Variants in ADORA2B observed in about 807,000 individuals in gnomAD.
ADORA2B encodes the protein adenosine receptor A2b.
Under a neutral mutation model 20.8 loss-of-function variants are expected in ADORA2B, and 18 were observed. The ratio of observed to expected loss-of-function variants is 0.87; its 90% CI spans 0.60 to 1.29. The LOEUF (loss-of-function observed/expected upper bound fraction) is 1.29, where lower values mean the gene tolerates loss of function less well. Among genes scored for constraint, ADORA2B ranks in the 50% most tolerant of loss-of-function variants. The probability of loss-of-function intolerance (pLI) is 0.00; values close to 1 mark genes in which losing one functional copy is unlikely to be tolerated. For missense variants in ADORA2B, 441 were observed against 422.7 expected (o/e 1.04, Z -0.38); for synonymous variants, 179 against 178.3 (o/e 1.00, Z -0.03).
intron 1 of ADORA2B, among the ~76,000 whole-genome samples, chr17:15,968,138 A>T (rs1970144329): frequency 6.6e-6 from 1 of 152,222 alleles, no homozygotes; most frequent in African/African-American, 2.4e-5. Flanking sequence ...GGGGAGAAGT[A>T]ACAAGGGCTA....
the ADORA2B span, among the ~76,000 whole-genome samples, chr17:15,861,964 T>TG: frequency 3.3e-5 from 5 of 152,150 alleles, no homozygotes; most frequent in Non-Finnish European, 7.4e-5. Flanking sequence ...CCTGCCAGAA[T>TG]GGCCCAGCCT....
At chr17:15,938,239 G>A in the ADORA2B span, among the ~76,000 whole-genome samples, 2 of 152,146 alleles carry the variant, frequency 1.3e-5, no homozygotes, top group African/African-American at 4.8e-5. Context: ...GGAAAGGAAG[G>A]AAGGAAGGAA....
At chr17:15,935,200 G>A in the ADORA2B span, among the ~76,000 whole-genome samples, 1 of 152,084 alleles carries the variant, frequency 6.6e-6, no homozygotes, top group South Asian at 2.1e-4. Context: ...TTATTGTCTA[G>A]TGTGCTTTCA....
At chr17:15,972,045 G>T (rs1970194198) in intron 1 of ADORA2B, among the ~76,000 whole-genome samples, 1 of 152,146 alleles carries the variant, frequency 6.6e-6, no homozygotes, top group South Asian at 2.1e-4. Context: ...TCCAGTTGAG[G>T]GATACCACAG....
chr17:15,942,049 C>G (rs1473614804), upstream of ADORA2B, among the ~76,000 whole-genome samples: 1 of 152,012 alleles, frequency 6.6e-6, no homozygotes, highest in Non-Finnish European at 1.5e-5. Context: ...ACACCGGGGA[C>G]CTGAAACTCA....
At chr17:15,885,173 G>A in the ADORA2B span, among the ~76,000 whole-genome samples, 2 of 152,160 alleles carry the variant, frequency 1.3e-5, no homozygotes, top group South Asian at 2.1e-4. Context: ...AATAAGTGAT[G>A]TTGAGCTTTT....
the ADORA2B span, among the ~76,000 whole-genome samples, chr17:15,903,481 A>T: frequency 2.5e-3 from 381 of 152,300 alleles, 23 homozygotes; most frequent in South Asian, 0.077. Flanking sequence ...AGCACTATGT[A>T]GGGGGAAGAA....
chr17:15,867,722 G>T, the ADORA2B span, among the ~76,000 whole-genome samples: 1 of 145,050 alleles, frequency 6.9e-6, no homozygotes, highest in East Asian at 2.1e-4. Flanking sequence ...GGTGAGGGGC[G>T]CCTCTGCCCG....
chr17:15,924,583 A>C, the ADORA2B span, among the ~76,000 whole-genome samples: 47,535 of 151,216 alleles, frequency 0.31, 9,575 homozygotes, highest in African/African-American at 0.58. Context: ...TACACACACA[A>C]AAAAAAATTA....
At chr17:15,925,269 C>G in the ADORA2B span, among the ~76,000 whole-genome samples, 1 of 152,128 alleles carries the variant, frequency 6.6e-6, no homozygotes, top group East Asian at 1.9e-4. Context: ...CTCCTGACCT[C>G]AGGTGATCTG....
intron 1 of ADORA2B, among the ~76,000 whole-genome samples, chr17:15,971,955 T>C (rs1040441631): frequency 6.6e-6 from 1 of 152,092 alleles, no homozygotes; most frequent in Admixed American, 6.6e-5. Context: ...ATTAAGAACA[T>C]ACTATGTGCT....
upstream of ADORA2B, chr17:15,945,066 C>T (rs1969780586): frequency 2.5e-6 from 1 of 404,130 alleles, no homozygotes; most frequent in Admixed American, 4.8e-5. Flanking sequence ...ATGGGTGCCG[C>T]CTCTTGGCCG....
intron 1 of ADORA2B, among the ~76,000 whole-genome samples, chr17:15,955,654 C>T (rs1969957463): frequency 6.7e-6 from 1 of 150,092 alleles, no homozygotes; most frequent in Non-Finnish European, 1.5e-5. Context: ...GTGATCCACT[C>T]ACCTTGGCCT....
At chr17:15,942,501 G>T (rs906248771), upstream of ADORA2B, among the ~76,000 whole-genome samples, 3 of 152,158 alleles carry the variant, frequency 2.0e-5, no homozygotes, top group Non-Finnish European at 2.9e-5. Flanking sequence ...TTTCCCTATA[G>T]CAATGTAAGA....
the ADORA2B span, among the ~76,000 whole-genome samples, chr17:15,921,273 C>T: frequency 8.5e-5 from 13 of 152,224 alleles, no homozygotes; most frequent in African/African-American, 1.7e-4. Context: ...AAGCAACAGG[C>T]GGCTTTTACT....
chr17:15,857,015 T>A, the ADORA2B span, among the ~76,000 whole-genome samples: 6 of 152,332 alleles, frequency 3.9e-5, no homozygotes, highest in African/African-American at 1.4e-4. Flanking sequence ...ACAGGCCCAG[T>A]GACCTAGGAG....
At chr17:15,902,950 A>G in the ADORA2B span, among the ~76,000 whole-genome samples, 1 of 152,234 alleles carries the variant, frequency 6.6e-6, no homozygotes, top group African/African-American at 2.4e-5. Flanking sequence ...GGATGCAGAT[A>G]GTGTGCTACT....
At chr17:15,963,003 T>C (rs1450491646) in intron 1 of ADORA2B, among the ~76,000 whole-genome samples, 1 of 152,178 alleles carries the variant, frequency 6.6e-6, no homozygotes, top group African/African-American at 2.4e-5. Flanking sequence ...TGGTTCCTTT[T>C]AGTGGAGAAT....
chr17:15,920,350 C>T, the ADORA2B span, among the ~76,000 whole-genome samples: 2 of 152,154 alleles, frequency 1.3e-5, no homozygotes, highest in Non-Finnish European at 2.9e-5. Flanking sequence ...AAACTGCAGT[C>T]GTATCCCCTA....
Sources: allele counts gnomAD v4.1 joint callset (sites outside exome capture counted in the v4.1 genomes callset), GRCh38; gene constraint gnomAD v4.1.1; transcripts MANE v1.5; gene names NCBI Gene and HGNC (gene_info 2026-07-23, HGNC 2026-07-21).